The following ZC2HC1A variants were observed in gnomAD, a reference collection of about 807,000 sequenced individuals.
ZC2HC1A encodes zinc finger C2HC-type containing 1A, also known as zinc finger C2HC domain-containing protein 1A.
A neutral mutation model predicts 40.7 loss-of-function variants in ZC2HC1A; 28 were observed. That is an observed-to-expected ratio of 0.69 (90% CI 0.51 to 0.94). The LOEUF is 0.94. ZC2HC1A is among the 40% of genes least tolerant of loss of function. The probability of loss-of-function intolerance (pLI) is 0.00; values close to 1 mark genes in which losing one functional copy is unlikely to be tolerated. For synonymous variants in ZC2HC1A, 129 were observed against 129.2 expected, an observed-to-expected ratio of 1.00 and a Z score of 0.01; for missense variants, 389 against 386.3, an observed-to-expected ratio of 1.01 and a Z score of -0.06.
chr8:78,667,356 C>A (rs1809329081), intron 1 of ZC2HC1A, among the ~76,000 whole-genome samples: 1 of 151,934 alleles, frequency 6.6e-6, no homozygotes, highest in African/African-American at 2.4e-5. Flanking sequence ...GAAGATAATT[C>A]AAGTTTCCAT....
chr8:78,700,370 A>G (rs1810561129), intron 7 of ZC2HC1A, among the ~76,000 whole-genome samples: 1 of 149,434 alleles, frequency 6.7e-6, no homozygotes, highest in Admixed American at 6.6e-5. Context: ...TTTTTCTTGT[A>G]AGTTTGTTTG....
chr8:78,696,673 C>T (rs78177233), intron 5 of ZC2HC1A, among the ~76,000 whole-genome samples: 5 of 152,078 alleles, frequency 3.3e-5, no homozygotes, highest in East Asian at 3.9e-4. Context: ...ATGCATACTC[C>T]ATTAATTTAA....
At chr8:78,668,103 A>G in intron 1 of ZC2HC1A, among the ~76,000 whole-genome samples, 1 of 152,142 alleles carries the variant, frequency 6.6e-6, no homozygotes, top group Non-Finnish European at 1.5e-5. Context: ...TCAATCTAAT[A>G]AAAGCTCTTG....
At position 78,715,247 on chromosome 8, in the gene ZC2HC1A, C is replaced by T. The variant is rs905468861; in HGVS notation, c.731C>T (p.Thr244Ile). 3.1e-6 allele frequency: 5 copies of T among 1,613,716 alleles called. No homozygotes were observed. Among genetic ancestry groups the T allele is most frequent in the Non-Finnish European group, 8.5e-7 (1 of 1,179,904 alleles). Residue 244 changes from threonine (T) to isoleucine (I), a missense_variant, in exon 8 of 9, where the codon ACA (threonine) becomes ATA (isoleucine). Thr to Ile is a moderately conservative substitution (Grantham distance 89). Transcript: ENST00000263849. Reference sequence around the variant, plus strand: ...GCTAATGTCAAACCCCGAAATTCCACACCACCTAGTTTGGCAAGAAATCCT... The same window carrying T: ...GCTAATGTCAAACCCCGAAATTCCATACCACCTAGTTTGGCAAGAAATCCT... ...AGANVKPRNS[T>I]PPSLARNPAP... is the part of the protein sequence containing the mutation.
intron 8 of ZC2HC1A, among the ~76,000 whole-genome samples, chr8:78,716,818 C>G (rs1811121207): frequency 6.6e-6 from 1 of 152,080 alleles, no homozygotes; most frequent in South Asian, 2.1e-4. Flanking sequence ...GGGTGGACTT[C>G]CCCATTGCTG....
At chr8:78,666,304 G>C in intron 1 of ZC2HC1A, 140 bp downstream of exon 1, 1 of 1,391,842 alleles carries the variant, frequency 7.2e-7, no homozygotes, top group Non-Finnish European at 9.8e-7. Context: ...CCGGAGGCTG[G>C]GGCCGAAGGG....
At chr8:78,675,107 G>A (rs975954536) in intron 1 of ZC2HC1A, among the ~76,000 whole-genome samples, 4 of 150,974 alleles carry the variant, frequency 2.6e-5, no homozygotes, top group African/African-American at 7.3e-5. Flanking sequence ...AACATTTGTT[G>A]TATTCAGTTA....
At chr8:78,693,066 A>AT (rs1368703203) in intron 5 of ZC2HC1A, among the ~76,000 whole-genome samples, 7 of 151,858 alleles carry the variant, frequency 4.6e-5, no homozygotes, top group East Asian at 1.9e-4. Context: ...TGAACTCATC[A>AT]TTTTTTATGG....
At chr8:78,672,448 A>T (rs1028019342) in intron 1 of ZC2HC1A, among the ~76,000 whole-genome samples, 1 of 152,172 alleles carries the variant, frequency 6.6e-6, no homozygotes. Context: ...TTATAGCAGT[A>T]TGCTTTCTAT....
chr8:78,702,281 A>G (rs971776300), intron 7 of ZC2HC1A, among the ~76,000 whole-genome samples: 3 of 151,996 alleles, frequency 2.0e-5, no homozygotes, highest in Admixed American at 6.6e-5. Context: ...ATATTCTGTG[A>G]TGACTTGTAT....
rs755197114 is a variant in ZC2HC1A, at chr8:78,717,798, C to T, written c.*305C>T. 3.7e-5 allele frequency: 7 copies of T among 187,534 alleles called. No individual in the cohort carries two copies. Among genetic ancestry groups the T allele is most frequent in the African/African-American group, 7.0e-5 (3 of 42,644 alleles). 11.6% of individuals were successfully genotyped at this position (187,534 alleles called of 1,614,324 possible). A position where few individuals can be genotyped will look rare whatever the true frequency, so the allele number is the denominator to read the frequency against. ...TTACTTTTCTGTTGTTGTTAAAGCA[C>T]GTTAAGTACATTTCCACAAACTCTC... On this transcript the variant is annotated 3_prime_UTR_variant, in exon 9 of 9. Coordinates refer to ENST00000263849, the MANE Select transcript of ZC2HC1A (RefSeq NM_016010.3).
intron 5 of ZC2HC1A, among the ~76,000 whole-genome samples, chr8:78,696,058 C>T (rs1315738332): frequency 3.3e-5 from 5 of 150,940 alleles, no homozygotes; most frequent in African/African-American, 7.3e-5. Flanking sequence ...TTTTTTGAGA[C>T]GGAGTCTTGC....
chr8:78,695,974 T>G (rs150931599), intron 5 of ZC2HC1A, among the ~76,000 whole-genome samples: 2 of 152,334 alleles, frequency 1.3e-5, no homozygotes, highest in East Asian at 3.9e-4. Flanking sequence ...TCTTAAATTT[T>G]ATATTGATTA....
chr8:78,697,682 CT>C (rs370060109), intron 6 of ZC2HC1A, among the ~76,000 whole-genome samples, 176 bp downstream of exon 6: 8,229 of 139,536 alleles, frequency 0.059, 246 homozygotes, highest in Middle Eastern at 0.089. Flanking sequence ...TACTTTTAAC[CT>C]TTTTTTTTTT....
At chr8:78,697,112 CTG>C (rs1810446198) in intron 5 of ZC2HC1A, among the ~76,000 whole-genome samples, 1 of 152,250 alleles carries the variant, frequency 6.6e-6, no homozygotes, top group East Asian at 1.9e-4. Context: ...GTAGAAAAGA[CTG>C]TTCATTTAAG....
At chr8:78,705,647 A>G (rs972973166) in intron 7 of ZC2HC1A, among the ~76,000 whole-genome samples, 4 of 152,112 alleles carry the variant, frequency 2.6e-5, no homozygotes, top group African/African-American at 7.2e-5. Flanking sequence ...CTGGGTCGGC[A>G]TGGGCTCTCC....
intron 8 of ZC2HC1A, among the ~76,000 whole-genome samples, 184 bp from the exon 9 acceptor site, chr8:78,717,144 G>GT (rs1322818149): frequency 6.6e-6 from 1 of 151,598 alleles, no homozygotes; most frequent in Non-Finnish European, 1.5e-5. Flanking sequence ...TAAATATAAT[G>GT]TTAAAAAAAA....
intron 3 of ZC2HC1A, among the ~76,000 whole-genome samples, chr8:78,685,061 G>T (rs1809921551): frequency 1.3e-5 from 2 of 152,068 alleles, no homozygotes; most frequent in African/African-American, 4.8e-5. Context: ...CCTATCAGAT[G>T]TTAAAATATA....
At chr8:78,712,692 G>C (rs1332611603) in intron 7 of ZC2HC1A, among the ~76,000 whole-genome samples, 2 of 152,148 alleles carry the variant, frequency 1.3e-5, no homozygotes, top group African/African-American at 2.4e-5. Flanking sequence ...TGGCTGAAAA[G>C]AGTGTGTGGC....
Sources: gnomAD v4.1 joint callset for allele counts (sites outside exome capture counted in the v4.1 genomes callset) on GRCh38, gnomAD v4.1.1 for gene constraint, MANE v1.5 for transcripts, NCBI Gene and HGNC (gene_info 2026-07-23, HGNC 2026-07-21) for gene names.